Variants in EIF4G3 observed in about 807,000 individuals in gnomAD.
The protein encoded by EIF4G3 is eukaryotic translation initiation factor 4 gamma 3, also known as eIF-4-gamma 3.
A neutral mutation model predicts 186.4 loss-of-function variants in EIF4G3; 34 were observed. That is an observed-to-expected ratio of 0.18 (90% CI 0.14 to 0.24). The LOEUF (loss-of-function observed/expected upper bound fraction) is 0.24. Among genes scored for constraint, EIF4G3 ranks in the 10% least tolerant of loss-of-function variants. The pLI is 1.00. For synonymous variants in EIF4G3, 673 were observed against 679.5 expected (o/e 0.99, Z 0.15); for missense variants, 1,536 against 1,948.5 (o/e 0.79, Z 3.99).
intron 14 of EIF4G3, among the ~76,000 whole-genome samples, chr1:20,926,798 CA>C (rs2094931390): frequency 6.6e-6 from 1 of 150,470 alleles, no homozygotes; most frequent in Non-Finnish European, 1.5e-5. Context: ...AAAAACAACA[CA>C]AATCTATACA....
At chr1:21,171,295 T>G (rs2097961942) in intron 2 of EIF4G3, among the ~76,000 whole-genome samples, 1 of 152,214 alleles carries the variant, frequency 6.6e-6, no homozygotes, top group Non-Finnish European at 1.5e-5. Flanking sequence ...AGATTGTGTC[T>G]CACCACAGCA....
intron 2 of EIF4G3, among the ~76,000 whole-genome samples, chr1:21,165,612 G>A (rs1360914683): frequency 7.2e-5 from 11 of 152,148 alleles, no homozygotes; most frequent in Non-Finnish European, 1.2e-4. Flanking sequence ...TACGTAAAAA[G>A]TTCAAAATAG....
intron 20 of EIF4G3, among the ~76,000 whole-genome samples, chr1:20,874,658 G>A (rs2080239473): frequency 6.6e-6 from 1 of 151,896 alleles, no homozygotes; most frequent in Non-Finnish European, 1.5e-5. Flanking sequence ...CCTAGGTTGT[G>A]GTTTTATCTT....
chr1:21,068,396 A>AAAAAAC (rs1200202846), intron 3 of EIF4G3, among the ~76,000 whole-genome samples: 2 of 148,814 alleles, frequency 1.3e-5, no homozygotes, highest in South Asian at 2.1e-4. Flanking sequence ...AAAAAAAAAA[A>AAAAAAC]AAAACAGAAT....
chr1:21,118,954 A>AAG (rs1491046208), intron 2 of EIF4G3, among the ~76,000 whole-genome samples: 10 of 140,578 alleles, frequency 7.1e-5, no homozygotes, highest in African/African-American at 2.2e-4. Flanking sequence ...AAAAAAAAAA[A>AAG]AGAGAAGAAA....
chr1:20,974,147 T>A (rs904714439), intron 10 of EIF4G3, among the ~76,000 whole-genome samples: 2 of 152,208 alleles, frequency 1.3e-5, no homozygotes, highest in African/African-American at 4.8e-5. Context: ...GCTTACCAGA[T>A]CTTCAAATAC....
chr1:20,914,681 C>G (rs1211571372), intron 14 of EIF4G3, among the ~76,000 whole-genome samples: 1 of 152,146 alleles, frequency 6.6e-6, no homozygotes, highest in Non-Finnish European at 1.5e-5. Flanking sequence ...CATTTTCATT[C>G]GGTTCAAAAT....
rs145114487 is a variant in EIF4G3, at chr1:21,104,445, C to T, written c.-271-15232G>A. ...AACACTTTTCTAAAGAAGACATATA[C>T]ATGGCCAACAAGCATATGAAAAAAT... On this transcript the variant is annotated intron_variant, in intron 2 of 36. Transcript: ENST00000602326. 7.3e-3 allele frequency among the ~76,000 whole-genome samples: 1,105 copies of T among 152,254 alleles called. 9 individuals are homozygous for T. The highest frequency in any genetic ancestry group is 0.039 in the South Asian group (190 of 4,824).
intron 19 of EIF4G3, among the ~76,000 whole-genome samples, chr1:20,882,205 A>ACACACACG: frequency 6.6e-6 from 1 of 151,240 alleles, no homozygotes; most frequent in Middle Eastern, 3.4e-3. Context: ...ACACACACAC[A>ACACACACG]CACACACACA....
At chr1:21,151,924 A>G (rs1168949392) in intron 2 of EIF4G3, among the ~76,000 whole-genome samples, 2 of 152,166 alleles carry the variant, frequency 1.3e-5, no homozygotes, top group East Asian at 1.9e-4. Context: ...TCTAGATACT[A>G]GTTTAGTATA....
intron 32 of EIF4G3, among the ~76,000 whole-genome samples, chr1:20,826,599 C>T (rs979027562): frequency 9.6e-5 from 14 of 146,082 alleles, no homozygotes; most frequent in African/African-American, 2.5e-4. Context: ...AAGCTATTCT[C>T]CTGCCTCAGC....
At chr1:20,951,915 A>T (rs2096239364) in intron 12 of EIF4G3, among the ~76,000 whole-genome samples, 1 of 152,186 alleles carries the variant, frequency 6.6e-6, no homozygotes, top group African/African-American at 2.4e-5. Context: ...AAGTCCTAGA[A>T]AGAATCTATG....
At chr1:21,169,238 G>A (rs1446579669) in intron 2 of EIF4G3, among the ~76,000 whole-genome samples, 1 of 151,170 alleles carries the variant, frequency 6.6e-6, no homozygotes, top group Non-Finnish European at 1.5e-5. Context: ...ATCACCTGAA[G>A]TCAAGAGTTC....
intron 4 of EIF4G3, among the ~76,000 whole-genome samples, chr1:21,014,694 G>A (rs1282186202): frequency 4.0e-5 from 6 of 149,312 alleles, no homozygotes; most frequent in Non-Finnish European, 8.9e-5. Flanking sequence ...GAGTGCAGTG[G>A]CACAATCTTG....
intron 3 of EIF4G3, among the ~76,000 whole-genome samples, chr1:21,063,361 G>A (rs2154578685): frequency 6.6e-6 from 1 of 152,238 alleles, no homozygotes; most frequent in Middle Eastern, 3.4e-3. Flanking sequence ...ATTTTGAAAA[G>A]AATATTGATT....
At chr1:21,166,176 C>G (rs933688225) in intron 2 of EIF4G3, among the ~76,000 whole-genome samples, 2 of 150,446 alleles carry the variant, frequency 1.3e-5, no homozygotes, top group South Asian at 2.1e-4. Flanking sequence ...CCTGTAATCC[C>G]GGCACTTTGG....
At chr1:20,884,381 G>GA (rs749120653) in intron 19 of EIF4G3, among the ~76,000 whole-genome samples, 3 of 151,202 alleles carry the variant, frequency 2.0e-5, no homozygotes, top group South Asian at 2.1e-4. Context: ...GTTTCCTCAT[G>GA]AAAAAAAAGG....
intron 3 of EIF4G3, among the ~76,000 whole-genome samples, chr1:21,067,400 T>C (rs960924660): frequency 6.6e-6 from 1 of 152,156 alleles, no homozygotes; most frequent in Non-Finnish European, 1.5e-5. Context: ...CCTAAAGTGC[T>C]AGGATTACAG....
chr1:20,832,622 CCATTTGT>C (rs1270709918), intron 30 of EIF4G3, among the ~76,000 whole-genome samples: 19 of 149,810 alleles, frequency 1.3e-4, no homozygotes, highest in Non-Finnish European at 1.5e-5. Flanking sequence ...TAATTAGATC[CCATTTGT>C]CAATTTTGTC....
Sources: allele counts gnomAD v4.1 joint callset (sites outside exome capture counted in the v4.1 genomes callset), GRCh38; gene constraint gnomAD v4.1.1; transcripts MANE v1.5; gene names NCBI Gene and HGNC (gene_info 2026-07-23, HGNC 2026-07-21).